Variants in PPP1R11 observed in about 807,000 individuals in gnomAD.
PPP1R11 encodes the protein protein phosphatase 1 regulatory inhibitor subunit 11.
Under a neutral mutation model 11.3 loss-of-function variants are expected in PPP1R11, and 10 were observed. That is an observed-to-expected ratio of 0.88 (90% confidence interval 0.55 to 1.50). The LOEUF is 1.50. PPP1R11 is among the 40% of genes most tolerant of loss of function. The probability of loss-of-function intolerance (pLI) is 0.00; values close to 1 mark genes in which losing one functional copy is unlikely to be tolerated. For missense variants in PPP1R11, 114 were observed against 179.1 expected (o/e 0.64, Z 2.07); for synonymous variants, 56 against 62.3 (o/e 0.90, Z 0.48).
chr6:30,062,714 CTTTTTTTTTTTTTTTT>C (rs9278555), upstream of PPP1R11, among the ~76,000 whole-genome samples: 6,536 of 42,804 alleles, frequency 0.15, 332 homozygotes, highest in Admixed American at 0.23. Flanking sequence ...CCACGCCTGG[CTTTTTTTTTTTTTTTT>C]TTTTTTTTTT....
chr6:30,067,563 G>A, intron 1 of PPP1R11, 84 bp downstream of exon 1: 2 of 1,503,400 alleles, frequency 1.3e-6, no homozygotes, highest in Non-Finnish European at 1.9e-6. Flanking sequence ...AGTTGTTGGA[G>A]GAGCTAGGCC....
chr6:30,068,617 C>G lies in PPP1R11; in HGVS notation c.97C>G (p.Arg33Gly). 6.2e-7 allele frequency: 1 copy of G among 1,612,838 alleles called. No individual in the cohort carries two copies. Among genetic ancestry groups the G allele is most frequent in the South Asian group, 1.1e-5 (1 of 91,064 alleles). ...PENRSLTIKL[R>G]KRKPEKKVEW... The stretch of plus-strand genomic sequence containing the variant: ...GAACCGGAGCCTTACCATCAAACTT[C>G]GGAAACGGAAGCCAGAGAAAAAGGT... The change falls in exon 2 of 3, where the codon CGG becomes GGG. Residue 33 changes from arginine to glycine, a missense_variant. By Grantham distance (125) the Arg-to-Gly change is moderately radical (BLOSUM62 -2). Coordinates refer to ENST00000376772, the MANE Select transcript of PPP1R11 (RefSeq NM_021959.3).
chr6:30,061,361 C>G, the PPP1R11 span: 1 of 719,414 alleles, frequency 1.4e-6, no homozygotes, highest in Non-Finnish European at 2.2e-6. This position sits in a 1 kb window ranked among gnomAD's most constrained non-coding sequence, Gnocchi z 5.0. Flanking sequence ...TCTGGGAATT[C>G]CGGGCGTTTC....
chr6:30,064,604 C>A, upstream of PPP1R11: 1 of 1,408,252 alleles, frequency 7.1e-7, no homozygotes, highest in Non-Finnish European at 9.8e-7. Flanking sequence ...TATTTGATTG[C>A]ATATCTTATC....
the PPP1R11 span, chr6:30,061,628 C>G: frequency 6.2e-7 from 1 of 1,613,064 alleles, no homozygotes; most frequent in East Asian, 2.2e-5. The surrounding 1 kb of genome is among the most constrained non-coding windows in gnomAD (Gnocchi z 5.0). Flanking sequence ...GCTCAGGATA[C>G]GGTCACCTGT....
chr6:30,066,076 T>C (rs537009755), upstream of PPP1R11, among the ~76,000 whole-genome samples: 3 of 152,306 alleles, frequency 2.0e-5, no homozygotes, highest in South Asian at 6.2e-4. Context: ...CACTGTACGT[T>C]TGAACTGTTC....
chr6:30,069,221 G>A lies in PPP1R11; in HGVS notation c.296G>A (p.Arg99His), dbSNP rs372960824. 37 of 1,612,966 alleles carry A rather than the reference G, an allele frequency of 2.3e-5. No individual in the cohort carries two copies. The highest frequency in any genetic ancestry group is 2.9e-5 in the Non-Finnish European group (34 of 1,179,994). The change falls in exon 3 of 3, where the codon CGT becomes CAT. Residue 99 changes from arginine to histidine, a missense_variant. Physicochemically the swap from Arg to His is conservative, Grantham distance 29. Transcript: ENST00000376772. The surrounding 1 kb of genome is among the most constrained non-coding windows in gnomAD (Gnocchi z 6.6). ...GTACGTGGCCACCGCAAAGGACGGC[G>A]TCGTGCAACCCTAGGACCGACCCCC... ...HCVRGHRKGR[R>H]RATLGPTPTT... is the part of the protein sequence containing the mutation.
chr6:30,068,769 T>C (rs1267166098), intron 2 of PPP1R11, 71 bp downstream of exon 2: 11 of 1,345,004 alleles, frequency 8.2e-6, no homozygotes, highest in Non-Finnish European at 9.4e-6. Context: ...TCTACTCATA[T>C]CCACTGGCTT....
At chr6:30,066,501 T>C (rs143473450), upstream of PPP1R11, among the ~76,000 whole-genome samples, 539 of 152,380 alleles carry the variant, frequency 3.5e-3, 2 homozygotes, top group Middle Eastern at 0.014. Context: ...GTTGGCAGTA[T>C]GTAACTACAT....
upstream of PPP1R11, chr6:30,062,338 G>C: frequency 6.3e-7 from 1 of 1,587,554 alleles, no homozygotes; most frequent in East Asian, 2.2e-5. Flanking sequence ...CTGCAAGTGA[G>C]TATTCTTTCC....
rs568380079 is a variant in PPP1R11 at position 30,069,623 on chromosome 6, C to T, written c.*317C>T. 1.4e-5 allele frequency: 5 copies of T among 358,616 alleles called. No individual in the cohort carries two copies. The highest frequency in any genetic ancestry group is 4.6e-5 in the Admixed American group (1 of 21,772). The allele number at this position is 358,616 out of a possible 1,614,324, so 22.2% of individuals were successfully genotyped here. A position where few individuals can be genotyped will look rare whatever the true frequency, so the allele number is the denominator to read the frequency against. On this transcript the variant is annotated 3_prime_UTR_variant, in exon 3 of 3. Transcript: ENST00000376772. The surrounding 1 kb of genome is among the most constrained non-coding windows in gnomAD (Gnocchi z 6.6). ...AGTTATCTTGGCCCTGCACTCTCAA[C>T]ATGAGTAGCGAACACTTAAATTGGG...
chr6:30,062,727 T>C (rs1006689075), upstream of PPP1R11, among the ~76,000 whole-genome samples: 8 of 115,472 alleles, frequency 6.9e-5, no homozygotes, highest in South Asian at 2.9e-4. Context: ...TTTTTTTTTT[T>C]TTTTTTTTTT....
chr6:30,064,650 A>G (rs766371329), upstream of PPP1R11: 3 of 1,604,304 alleles, frequency 1.9e-6, no homozygotes, highest in South Asian at 3.3e-5. Flanking sequence ...GGTGAATATA[A>G]CAAGTCCTTT....
chr6:30,063,706 A>G (rs1236460408), upstream of PPP1R11, among the ~76,000 whole-genome samples: 1 of 152,016 alleles, frequency 6.6e-6, no homozygotes, highest in African/African-American at 2.4e-5. The surrounding 1 kb of genome is among the most constrained non-coding windows in gnomAD (Gnocchi z 4.1). Context: ...AACTGTAGGA[A>G]TTCTTTGAGG....
Position 30,070,322 on chromosome 6 carries a change from A to C in PPP1R11, c.*1016A>C, listed in dbSNP as rs1240143468. ...CACAGATGCACAAAATAAATAACCCAAAATCACAAAATGTGTTAAATATGG... is the reference window on the plus strand; with the variant it reads ...CACAGATGCACAAAATAAATAACCCCAAATCACAAAATGTGTTAAATATGG... On this transcript the variant is annotated 3_prime_UTR_variant, in exon 3 of 3. Coordinates refer to ENST00000376772, the MANE Select transcript of PPP1R11 (RefSeq NM_021959.3). 1 of 157,194 alleles carries C rather than the reference A, an allele frequency of 6.4e-6. No homozygotes were observed. Among genetic ancestry groups the C allele is most frequent in the Non-Finnish European group, 1.4e-5 (1 of 70,842 alleles). 9.7% of individuals were successfully genotyped at this position (157,194 alleles called of 1,614,324 possible). A position where few individuals can be genotyped will look rare whatever the true frequency, so the allele number is the denominator to read the frequency against.
chr6:30,061,695 T>G, the PPP1R11 span: 1 of 1,612,014 alleles, frequency 6.2e-7, no homozygotes, highest in South Asian at 1.1e-5. The surrounding 1 kb of genome is among the most constrained non-coding windows in gnomAD (Gnocchi z 5.0). Flanking sequence ...GCAGGGGTCC[T>G]GGCGGAGGGC....
upstream of PPP1R11, among the ~76,000 whole-genome samples, chr6:30,063,268 T>C (rs1473263694): frequency 2.6e-5 from 4 of 152,108 alleles, no homozygotes; most frequent in African/African-American, 9.7e-5. This position sits in a 1 kb window ranked among gnomAD's most constrained non-coding sequence, Gnocchi z 4.1. Context: ...AAGAGGTTTC[T>C]CTCTTCTGTC....
upstream of PPP1R11, among the ~76,000 whole-genome samples, chr6:30,065,062 TG>T (rs1765398496): frequency 6.6e-6 from 1 of 152,222 alleles, no homozygotes; most frequent in African/African-American, 2.4e-5. This position sits in a 1 kb window ranked among gnomAD's most constrained non-coding sequence, Gnocchi z 5.3. Flanking sequence ...TTGTAAGTAT[TG>T]CCATACTATT....
chr6:30,062,088 T>C (rs1457454140), upstream of PPP1R11: 3 of 1,522,132 alleles, frequency 2.0e-6, no homozygotes, highest in African/African-American at 2.7e-5. Flanking sequence ...ATTGCAAAGC[T>C]CTGGAGAGTT....
Sources: allele counts gnomAD v4.1 joint callset (sites outside exome capture counted in the v4.1 genomes callset), GRCh38; gene constraint gnomAD v4.1.1; non-coding constraint Gnocchi (gnomAD v3.1); transcripts MANE v1.5; gene names NCBI Gene and HGNC (gene_info 2026-07-23, HGNC 2026-07-21).